NCAPG2: variants seen among roughly 807,000 people sequenced by gnomAD.
NCAPG2 encodes non-SMC condensin II complex subunit G2.
NCAPG2 carries 53 observed loss-of-function variants against 141.1 expected under a neutral mutation model. The ratio of observed to expected loss-of-function variants is 0.38; its 90% CI spans 0.30 to 0.47. The LOEUF (loss-of-function observed/expected upper bound fraction) is 0.47. Ranked by LOEUF, NCAPG2 falls within the 20% of genes least tolerant of loss-of-function variation. The probability of loss-of-function intolerance (pLI) is 0.99; values close to 1 mark genes in which losing one functional copy is unlikely to be tolerated. For synonymous variants in NCAPG2, 499 were observed against 490.7 expected (o/e 1.02, Z -0.22); for missense variants, 1,087 against 1,389.0 (o/e 0.78, Z 3.46).
chr7:158,647,709 T>A (rs78843936), intron 24 of NCAPG2, among the ~76,000 whole-genome samples: 27 of 151,978 alleles, frequency 1.8e-4, no homozygotes, highest in Non-Finnish European at 3.1e-4. Context: ...TTTTTTTTTT[T>A]AAGAGACATA....
intron 2 of NCAPG2, among the ~76,000 whole-genome samples, chr7:158,697,504 G>C (rs1238474443): frequency 6.6e-6 from 1 of 152,028 alleles, no homozygotes; most frequent in Admixed American, 6.5e-5. Flanking sequence ...AGGAGGCTGA[G>C]GCAGGAGAAT....
chr7:158,671,721 T>C (rs1376495676), intron 12 of NCAPG2, 55 bp from the exon 13 acceptor site: 3 of 1,582,320 alleles, frequency 1.9e-6, no homozygotes, highest in Non-Finnish European at 2.6e-6. Flanking sequence ...AATGAAAGGT[T>C]CAGGTAGGAA....
intron 27 of NCAPG2, among the ~76,000 whole-genome samples, chr7:158,639,563 C>T (rs972853004): frequency 1.3e-5 from 2 of 152,092 alleles, no homozygotes; most frequent in African/African-American, 4.8e-5. Context: ...TAGACCAATG[C>T]AAGAAATTGT....
At chr7:158,688,167 A>T (rs1261990240) in intron 6 of NCAPG2, among the ~76,000 whole-genome samples, 1 of 98,846 alleles carries the variant, frequency 1.0e-5, no homozygotes, top group Non-Finnish European at 2.0e-5. Flanking sequence ...CATGCTCACA[A>T]CAGGCAAGTT....
intron 5 of NCAPG2, 42 bp from the exon 6 acceptor site, chr7:158,689,995 A>G: frequency 7.0e-7 from 1 of 1,428,290 alleles, no homozygotes; most frequent in East Asian, 2.6e-5. Context: ...TTCAATGAAC[A>G]GTAAAGTCAT....
chr7:158,673,543 G>A (rs1030558799), intron 12 of NCAPG2, among the ~76,000 whole-genome samples: 21 of 152,226 alleles, frequency 1.4e-4, no homozygotes, highest in African/African-American at 5.1e-4. Flanking sequence ...GGCTTTCCCA[G>A]GCTGTGTCAC....
chr7:158,639,248 C>A (rs146189577), intron 27 of NCAPG2, among the ~76,000 whole-genome samples: 103 of 152,218 alleles, frequency 6.8e-4, no homozygotes, highest in African/African-American at 2.4e-3. Flanking sequence ...GCTGGGACCA[C>A]AGGTGAGTGC....
rs554724085 is a variant in NCAPG2, at chr7:158,675,802, G to A, written c.1147-146C>T. On this transcript the variant is annotated intron_variant, in intron 11 of 27. Transcript: ENST00000356309. ...TGGACACATATGGATTCCTAGACCT[G>A]AGATTACTTGCTATCGCTTCTAAAG... 116 of 824,410 alleles carry A rather than the reference G, an allele frequency of 1.4e-4. 3 individuals are homozygous for A. In the South Asian group the frequency reaches 2.1e-3, roughly 15 times the overall value. 51.1% of individuals were successfully genotyped at this position (824,410 alleles called of 1,614,324 possible).
intron 12 of NCAPG2, among the ~76,000 whole-genome samples, chr7:158,675,192 A>G (rs1282187383): frequency 6.6e-6 from 1 of 152,246 alleles, no homozygotes; most frequent in African/African-American, 2.4e-5. Context: ...TATGCAAAGC[A>G]TATTTCTCCA....
In NCAPG2 at chr7:158,687,373, TA is replaced by T; in HGVS notation, c.741del (p.Asn249ThrfsTer10). On this transcript the variant is annotated frameshift_variant, in exon 7 of 28. Transcript: ENST00000356309. LOFTEE classifies it high-confidence loss of function. Reference sequence around the variant, plus strand: ...TTTTGTAATCCCTGTAACTGGTTTTTAATGGTCCCGTGGATCATTTTGATGA... The same window carrying T: ...TTTTGTAATCCCTGTAACTGGTTTTTATGGTCCCGTGGATCATTTTGATGA... ...INFIKMIHGT[I>X]KNQLQGLQKS... The T allele has an allele frequency of 6.2e-7, 1 of 1,610,836 alleles. No individual in the cohort carries two copies. Among genetic ancestry groups the T allele is most frequent in the Non-Finnish European group, 8.5e-7 (1 of 1,178,366 alleles).
At chr7:158,687,498 T>C in intron 6 of NCAPG2, 56 bp from the exon 7 acceptor site, 1 of 1,272,372 alleles carries the variant, frequency 7.9e-7, no homozygotes, top group Non-Finnish European at 1.1e-6. Flanking sequence ...AAGTGCCAAA[T>C]AACAAACAAT....
intron 22 of NCAPG2, among the ~76,000 whole-genome samples, chr7:158,653,362 C>G (rs1382410697): frequency 1.1e-5 from 1 of 90,054 alleles, no homozygotes; most frequent in Non-Finnish European, 2.3e-5. Flanking sequence ...AAGACTTGGT[C>G]TCAAAAAAAA....
chr7:158,663,076 C>T (rs568018517), intron 15 of NCAPG2, among the ~76,000 whole-genome samples: 5 of 152,372 alleles, frequency 3.3e-5, no homozygotes, highest in Admixed American at 1.3e-4. Context: ...CGCGGCAAGC[C>T]ACACGTAAGT....
chr7:158,646,066 T>C (rs188080247), intron 25 of NCAPG2, among the ~76,000 whole-genome samples: 3 of 152,298 alleles, frequency 2.0e-5, no homozygotes, highest in Admixed American at 6.5e-5. Flanking sequence ...AAGTGACATA[T>C]GGACTGGAAA....
chr7:158,642,151 G>A (rs569846623), intron 27 of NCAPG2, among the ~76,000 whole-genome samples: 3 of 152,242 alleles, frequency 2.0e-5, no homozygotes, highest in Non-Finnish European at 2.9e-5. Context: ...GGTCAAAGAG[G>A]AAATCACAAG....
chr7:158,641,193 CAA>C (rs1830619113), intron 27 of NCAPG2: 2 of 279,256 alleles, frequency 7.2e-6, no homozygotes, highest in Non-Finnish European at 1.3e-5. Flanking sequence ...GTTAAAACCA[CAA>C]AAGACAGAAA....
chr7:158,693,465 T>C lies in NCAPG2; in HGVS notation c.111A>G (p.Glu37=), dbSNP rs548918153. Residue 37 remains glutamate, a synonymous_variant, in exon 3 of 28, where the codon GAA becomes GAG. Transcript: ENST00000356309. ...GTTTCCTTGATAATTCATCTAGTAA[T>C]TCATTTAGGCTGAAAGGATCAGAGG... The part of the protein sequence containing the change: ...KEASDPFSLN[E]LLDELSRKQK... The C allele has an allele frequency of 1.2e-6, 2 of 1,613,842 alleles. No homozygotes were observed. Among genetic ancestry groups the C allele is most frequent in the Non-Finnish European group, 8.5e-7 (1 of 1,179,866 alleles).
chr7:158,655,567 C>G, intron 19 of NCAPG2, 112 bp from the exon 20 acceptor site: 1 of 802,210 alleles, frequency 1.2e-6, no homozygotes, highest in South Asian at 1.6e-5. Flanking sequence ...AAAAGACCCC[C>G]GCTCTGGTGA....
intron 27 of NCAPG2, among the ~76,000 whole-genome samples, chr7:158,634,629 G>A (rs201438049): frequency 6.6e-5 from 10 of 152,178 alleles, no homozygotes; most frequent in Non-Finnish European, 1.0e-4. Flanking sequence ...ACTCTTTATC[G>A]TTATCCTGTA....
Sources: gnomAD v4.1 joint callset for allele counts (sites outside exome capture counted in the v4.1 genomes callset) on GRCh38, gnomAD v4.1.1 for gene constraint, MANE v1.5 for transcripts, NCBI Gene and HGNC (gene_info 2026-07-23, HGNC 2026-07-21) for gene names.